DCBLD2: variants seen among roughly 807,000 people sequenced by gnomAD.
The protein encoded by DCBLD2 is discoidin, CUB and LCCL domain-containing protein 2.
A neutral mutation model predicts 86.8 loss-of-function variants in DCBLD2; 54 were observed. That is an observed-to-expected ratio of 0.62 (90% CI 0.50 to 0.78). DCBLD2 has a LOEUF of 0.78. Ranked by LOEUF, DCBLD2 falls within the 30% of genes least tolerant of loss-of-function variation. DCBLD2 has a pLI of 0.00. For synonymous variants in DCBLD2, 354 were observed against 341.3 expected, an observed-to-expected ratio of 1.04 and a Z score of -0.41; for missense variants, 908 against 954.2, an observed-to-expected ratio of 0.95 and a Z score of 0.64.
At chr3:98,882,123 C>A (rs911645018) in intron 1 of DCBLD2, among the ~76,000 whole-genome samples, 9 of 152,110 alleles carry the variant, frequency 5.9e-5, no homozygotes, top group African/African-American at 2.2e-4. Context: ...ATCACAAGAC[C>A]TGACATTGTT....
In DCBLD2 at chr3:98,820,222, A is replaced by G. The variant is rs760006081; in HGVS notation, c.871+26T>C. ...TTCAAAAAATATTATATAAATAAAA[A>G]ATTATAAAGTCCATAAAAGGCTTAC... On this transcript the variant is annotated intron_variant, in intron 7 of 15. Coordinates refer to ENST00000326840, the MANE Select transcript of DCBLD2 (RefSeq NM_080927.4). 2.2e-6 allele frequency: 3 copies of G among 1,381,414 alleles called. No individual in the cohort carries two copies. The East Asian group carries it at 7.8e-5, about 36-fold the overall frequency. The allele number at this position is 1,381,414 out of a possible 1,614,324, so 85.6% of individuals were successfully genotyped here.
Position 98,884,133 on chromosome 3 carries a change from T to G in DCBLD2, c.206-2366A>C, listed in dbSNP as rs575897444. Among the ~76,000 whole-genome samples the G allele has an allele frequency of 1.2e-4, 18 of 152,258 alleles. 1 individual carries two copies. Among genetic ancestry groups the G allele is most frequent in the African/African-American group, 4.3e-4 (18 of 41,580 alleles). On this transcript the variant is annotated intron_variant, in intron 1 of 15. Coordinates refer to ENST00000326840, the MANE Select transcript of DCBLD2 (RefSeq NM_080927.4). ...CTGATAAAGAAATTTTATTGTTGAA[T>G]CCATATTAGTATTGCTCCTTAGTCT... is the stretch of plus-strand genomic sequence containing the variant.
intron 3 of DCBLD2, among the ~76,000 whole-genome samples, chr3:98,839,149 T>TTC (rs1177366794): frequency 4.0e-3 from 18 of 4,448 alleles, no homozygotes; most frequent in Admixed American, 0.031. Context: ...CCTTCCTTCT[T>TTC]TCTTTCTTTC....
chr3:98,874,994 A>G (rs551261114), intron 2 of DCBLD2, among the ~76,000 whole-genome samples: 39 of 152,304 alleles, frequency 2.6e-4, no homozygotes, highest in Non-Finnish European at 4.4e-4. Flanking sequence ...TTCCACTAAG[A>G]TAAGGAACCC....
intron 2 of DCBLD2, among the ~76,000 whole-genome samples, chr3:98,853,136 T>C (rs192354135): frequency 2.4e-4 from 36 of 152,318 alleles, no homozygotes; most frequent in East Asian, 3.9e-4. Context: ...TTTTGGATAA[T>C]TGAATTTGAT....
intron 2 of DCBLD2, among the ~76,000 whole-genome samples, chr3:98,872,114 T>C (rs1180498885): frequency 6.6e-6 from 1 of 152,144 alleles, no homozygotes; most frequent in Non-Finnish European, 1.5e-5. Flanking sequence ...TTTTTTCCAG[T>C]GTTCTACACA....
At chr3:98,899,276 T>C (rs1943806127) in intron 1 of DCBLD2, among the ~76,000 whole-genome samples, 1 of 149,772 alleles carries the variant, frequency 6.7e-6, no homozygotes, top group Non-Finnish European at 1.5e-5. Context: ...TTTTTTTTTT[T>C]TTTGAGACAG....
intron 1 of DCBLD2, among the ~76,000 whole-genome samples, chr3:98,894,356 C>T (rs1466789080): frequency 6.6e-6 from 1 of 152,066 alleles, no homozygotes; most frequent in Non-Finnish European, 1.5e-5. Context: ...CAGGCAACTA[C>T]GAGAACAAAA....
At chr3:98,882,111 A>G (rs775432809) in intron 1 of DCBLD2, among the ~76,000 whole-genome samples, 61 of 152,332 alleles carry the variant, frequency 4.0e-4, no homozygotes, top group East Asian at 1.3e-3. Flanking sequence ...ATCCTTTAAC[A>G]AATCACAAGA....
chr3:98,820,170 C>A, intron 7 of DCBLD2, 78 bp downstream of exon 7: 1 of 894,016 alleles, frequency 1.1e-6, no homozygotes, highest in South Asian at 4.6e-5. Flanking sequence ...TACAATAAAT[C>A]AGCAACTGAC....
At chr3:98,805,175 T>C (rs1187216171) in intron 13 of DCBLD2, 1 of 152,206 alleles carries the variant, frequency 6.6e-6, no homozygotes, top group African/African-American at 2.4e-5. Context: ...TGATACTAAA[T>C]GCATCCTCAT....
In DCBLD2 at chr3:98,800,706, T is replaced by C. The variant is rs981215127; in HGVS notation, c.1731A>G (p.Lys577=). 6.2e-7 allele frequency: 1 copy of C among 1,613,814 alleles called. No homozygotes were observed. The highest frequency in any genetic ancestry group is 1.3e-5 in the African/African-American group (1 of 74,920). The change falls in exon 15 of 16, where the codon AAA becomes AAG. Residue 577 remains lysine, a synonymous_variant. Coordinates refer to ENST00000326840, the MANE Select transcript of DCBLD2 (RefSeq NM_080927.4). The part of the protein sequence containing the change: ...LPYWDRAGWW[K]GMKQFLPAKA... Reference sequence around the variant, plus strand: ...TTGCAGGAAGAAACTGCTTCATTCCTTTCCACCAACCTTCATTGTGACGGC... The same window carrying C: ...TTGCAGGAAGAAACTGCTTCATTCCCTTCCACCAACCTTCATTGTGACGGC...
At chr3:98,805,584 TC>T (rs1941823301) in intron 13 of DCBLD2, among the ~76,000 whole-genome samples, 2 of 152,298 alleles carry the variant, frequency 1.3e-5, no homozygotes, top group East Asian at 3.9e-4. Flanking sequence ...ATTCTCATCC[TC>T]CCTATTTTCC....
intron 2 of DCBLD2, among the ~76,000 whole-genome samples, chr3:98,855,516 C>G (rs1259250330): frequency 6.6e-6 from 1 of 152,180 alleles, no homozygotes; most frequent in African/African-American, 2.4e-5. Flanking sequence ...AGTTTTACCA[C>G]ACTCACACAA....
intron 2 of DCBLD2, among the ~76,000 whole-genome samples, chr3:98,876,361 TA>T (rs1228037794): frequency 3.0e-5 from 1 of 33,526 alleles, no homozygotes; most frequent in Non-Finnish European, 6.2e-5. Context: ...TCTTTAAAAA[TA>T]AAAAAAAACT....
intron 1 of DCBLD2, among the ~76,000 whole-genome samples, chr3:98,883,450 GGCA>G (rs1943507764): frequency 6.6e-6 from 1 of 151,906 alleles, no homozygotes; most frequent in East Asian, 1.9e-4. Flanking sequence ...TTTATATATT[GGCA>G]GCAGCATTAT....
At chr3:98,841,845 G>A (rs541339819) in intron 3 of DCBLD2, among the ~76,000 whole-genome samples, 2 of 152,060 alleles carry the variant, frequency 1.3e-5, no homozygotes, top group African/African-American at 2.4e-5. Flanking sequence ...GGCAGATCAC[G>A]AGGTCAGGAG....
At chr3:98,893,378 G>A (rs1429020531) in intron 1 of DCBLD2, among the ~76,000 whole-genome samples, 6 of 144,422 alleles carry the variant, frequency 4.2e-5, no homozygotes, top group Non-Finnish European at 9.0e-5. Context: ...GACCACTGTA[G>A]TAAGAAAAAA....
chr3:98,800,616 T>C lies in DCBLD2; in HGVS notation c.1821A>G (p.Pro607=), dbSNP rs543410008. 6.2e-7 allele frequency: 1 copy of C among 1,613,812 alleles called. No homozygotes were observed. The highest frequency in any genetic ancestry group is 8.5e-7 in the Non-Finnish European group (1 of 1,179,862). ...YSSSEVNHLS[P]REVTTVLQAD... is the part of the protein sequence containing the mutation. ...CCTGCAGCACTGTGGTGACTTCTCT[T>C]GGACTCAGGTGATTAACTTCGCTGC... The change falls in exon 15 of 16, where the codon CCA becomes CCG. Residue 607 remains proline (P), a synonymous_variant. Transcript: ENST00000326840.
Sources: allele counts gnomAD v4.1 joint callset (sites outside exome capture counted in the v4.1 genomes callset), GRCh38; gene constraint gnomAD v4.1.1; transcripts MANE v1.5; gene names NCBI Gene and HGNC (gene_info 2026-07-23, HGNC 2026-07-21).